TMEM131: variants seen among roughly 807,000 people sequenced by gnomAD.
TMEM131 encodes the protein 2610524E03Rik.
A neutral mutation model predicts 211.6 loss-of-function variants in TMEM131; 66 were observed. The observed-to-expected ratio is 0.31, with a 90% confidence interval of 0.26 to 0.38. The LOEUF (loss-of-function observed/expected upper bound fraction) is 0.38. Among genes scored for constraint, TMEM131 ranks in the 10% least tolerant of loss-of-function variants. The pLI, the probability that TMEM131 is intolerant of heterozygous loss-of-function variation, is 1.00. For missense variants in TMEM131, 2,036 were observed against 2,299.3 expected (o/e 0.89, Z 2.34); for synonymous variants, 844 against 841.3 (o/e 1.00, Z -0.06).
At chr2:97,978,348 C>T (rs1325201402) in intron 1 of TMEM131, among the ~76,000 whole-genome samples, 1 of 152,136 alleles carries the variant, frequency 6.6e-6, no homozygotes, top group African/African-American at 2.4e-5. Context: ...CAAGAAATCA[C>T]TTCATCTATA....
intron 3 of TMEM131, among the ~76,000 whole-genome samples, chr2:97,902,005 A>G (rs1675873190): frequency 6.6e-6 from 1 of 152,148 alleles, no homozygotes; most frequent in Non-Finnish European, 1.5e-5. Flanking sequence ...CATATCCTAA[A>G]CACCCTGATT....
intron 5 of TMEM131, among the ~76,000 whole-genome samples, chr2:97,852,707 C>G (rs896753210): frequency 2.0e-5 from 3 of 152,206 alleles, no homozygotes; most frequent in African/African-American, 7.2e-5. Flanking sequence ...AACGTGGCCA[C>G]ACTAAACAAC....
intron 6 of TMEM131, among the ~76,000 whole-genome samples, chr2:97,842,799 G>A (rs941763183): frequency 5.3e-5 from 8 of 152,200 alleles, no homozygotes; most frequent in Non-Finnish European, 1.0e-4. Flanking sequence ...GTTGTGGGAT[G>A]CCATCGTGGG....
At chr2:97,900,109 T>C (rs769170720) in intron 3 of TMEM131, among the ~76,000 whole-genome samples, 2 of 152,128 alleles carry the variant, frequency 1.3e-5, no homozygotes, top group African/African-American at 2.4e-5. Context: ...TCTGGTAACA[T>C]GGTACAGGTA....
Position 97,875,341 on chromosome 2 carries a change from C to G in TMEM131, c.359+12711G>C, listed in dbSNP as rs567824264. On this transcript the variant is annotated intron_variant, in intron 4 of 40. Transcript: ENST00000186436. ...GAAAATTAACAAGGATATTCAGGAC[C>G]TGAACTCAGCTCTGGACCAAGCAAA... is the stretch of plus-strand genomic sequence containing the variant. Among the ~76,000 whole-genome samples the G allele has an allele frequency of 2.0e-5, 3 of 152,164 alleles. No individual in the cohort carries two copies. The East Asian group carries it at 5.8e-4, about 29-fold the overall frequency.
chr2:97,872,488 A>G (rs957515890), intron 4 of TMEM131, among the ~76,000 whole-genome samples: 2 of 152,160 alleles, frequency 1.3e-5, no homozygotes, highest in Non-Finnish European at 2.9e-5. Context: ...AGATGGCCGA[A>G]CAGGAACAGC....
At chr2:97,926,039 G>A (rs1488780018) in intron 2 of TMEM131, among the ~76,000 whole-genome samples, 1 of 151,690 alleles carries the variant, frequency 6.6e-6, no homozygotes. Context: ...GTGAACCCGG[G>A]AGGCAGAGCT....
At chr2:97,917,916 C>A (rs957050282) in intron 2 of TMEM131, among the ~76,000 whole-genome samples, 1 of 151,960 alleles carries the variant, frequency 6.6e-6, no homozygotes, top group Non-Finnish European at 1.5e-5. Context: ...CAAAGCCCAA[C>A]CCTCTAATCA....
intron 17 of TMEM131, 50 bp downstream of exon 17, chr2:97,812,371 C>A: frequency 6.4e-7 from 1 of 1,553,848 alleles, no homozygotes; most frequent in Non-Finnish European, 8.7e-7. Context: ...CTTCCACTTG[C>A]AGTTTAGACA....
At position 97,812,769 on chromosome 2, in the gene TMEM131, C is replaced by G; in HGVS notation, c.1618-20G>C. 7.3e-7 allele frequency: 1 copy of G among 1,368,170 alleles called. No homozygotes were observed. Among genetic ancestry groups the G allele is most frequent in the South Asian group, 1.4e-5 (1 of 72,568 alleles). The allele number at this position is 1,368,170 out of a possible 1,614,324, so 84.8% of individuals were successfully genotyped here. ...AAAGTACTGGAAAGATATAAAAGAA[C>G]CAGATTAAAAAAAAGTCACATTGAT... is the stretch of plus-strand genomic sequence containing the variant. On this transcript the variant is annotated intron_variant, in intron 15 of 40. Coordinates refer to ENST00000186436, the MANE Select transcript of TMEM131 (RefSeq NM_015348.2).
chr2:97,964,774 A>G (rs1354317837), intron 1 of TMEM131, among the ~76,000 whole-genome samples: 1 of 152,204 alleles, frequency 6.6e-6, no homozygotes, highest in Non-Finnish European at 1.5e-5. Flanking sequence ...AAATCCTGGG[A>G]AGGAAGATAC....
chr2:97,811,228 G>A lies in TMEM131; in HGVS notation c.1868C>T (p.Thr623Ile). The A allele has an allele frequency of 1.2e-6, 2 of 1,611,406 alleles. No individual in the cohort carries two copies. The highest frequency in any genetic ancestry group is 1.7e-6 in the Non-Finnish European group (2 of 1,177,758). The change falls in exon 18 of 41, where the codon ACA (threonine) becomes ATA (isoleucine). Residue 623 changes from threonine (T) to isoleucine (I), a missense_variant. Thr to Ile is a moderately conservative substitution (Grantham distance 89, BLOSUM62 -1). This residue lies in a region of TMEM131 where 1,623 missense variants were observed against 1,805.9 expected (regional missense o/e 0.90). Coordinates refer to ENST00000186436, the MANE Select transcript of TMEM131 (RefSeq NM_015348.2). Reference protein sequence around the residue: ...KSSLSDQSSVTLASGYFAVFR... With the variant: ...KSSLSDQSSVILASGYFAVFR... ...GACTGCAAAATAGCCTGAAGCTAAT[G>A]TTACCTGTAGATAGTAGAAATGGTA... is the stretch of plus-strand genomic sequence containing the variant.
intron 5 of TMEM131, among the ~76,000 whole-genome samples, chr2:97,854,748 C>T (rs899095338): frequency 1.3e-5 from 2 of 152,156 alleles, no homozygotes; most frequent in Non-Finnish European, 2.9e-5. Context: ...GCACAACAGG[C>T]CTGCTTTCAA....
rs1218461814 is a variant in TMEM131, at chr2:97,995,345, G to C, written c.187+131C>G. The C allele has an allele frequency of 1.8e-5, 17 of 920,422 alleles. 1 individual carries two copies. The East Asian group carries it at 5.7e-4, about 31-fold the overall frequency. 57.0% of individuals were successfully genotyped at this position (920,422 alleles called of 1,614,324 possible). A position where few individuals can be genotyped will look rare whatever the true frequency, so the allele number is the denominator to read the frequency against. Reference sequence around the variant, plus strand: ...GGCGGGCGCCGCGAGGTCCCGGCTCGGGACGGTACCCGACCGCCCAACTTT... The same window carrying C: ...GGCGGGCGCCGCGAGGTCCCGGCTCCGGACGGTACCCGACCGCCCAACTTT... On this transcript the variant is annotated intron_variant, in intron 1 of 40. Coordinates refer to ENST00000186436, the MANE Select transcript of TMEM131 (RefSeq NM_015348.2).
intron 25 of TMEM131, 67 bp from the exon 26 acceptor site, chr2:97,797,583 C>CAA: frequency 7.1e-7 from 1 of 1,399,254 alleles, no homozygotes; most frequent in Non-Finnish European, 9.8e-7. Flanking sequence ...TCTTCGCTTA[C>CAA]ACCCCATCTA....
intron 2 of TMEM131, among the ~76,000 whole-genome samples, chr2:97,915,794 A>AT (rs1676485096): frequency 6.6e-6 from 1 of 152,180 alleles, no homozygotes; most frequent in Admixed American, 6.5e-5. Flanking sequence ...ATAGTTTTAC[A>AT]TTAAGTCCAT....
At chr2:97,860,153 T>G (rs1465310654) in intron 4 of TMEM131, among the ~76,000 whole-genome samples, 1 of 152,232 alleles carries the variant, frequency 6.6e-6, no homozygotes, top group African/African-American at 2.4e-5. Context: ...ACAGGCCTCC[T>G]AACTTCTATA....
chr2:97,797,253 C>G, intron 26 of TMEM131, 112 bp downstream of exon 26: 1 of 1,107,414 alleles, frequency 9.0e-7, no homozygotes, highest in Non-Finnish European at 1.3e-6. Context: ...ATGTTTTGGA[C>G]AAAGTGAATT....
At chr2:97,926,950 T>C (rs536061447) in intron 2 of TMEM131, among the ~76,000 whole-genome samples, 7 of 152,328 alleles carry the variant, frequency 4.6e-5, no homozygotes, top group Admixed American at 4.6e-4. Context: ...TAAAGGGAGA[T>C]ATTTAAAACA....
Sources: gnomAD v4.1 joint callset for allele counts (sites outside exome capture counted in the v4.1 genomes callset) on GRCh38, gnomAD v4.1.1 for gene constraint, gnomAD v4.1.1 regional missense constraint, MANE v1.5 for transcripts, NCBI Gene and HGNC (gene_info 2026-07-23, HGNC 2026-07-21) for gene names.